SMAD6: variants seen among roughly 807,000 people sequenced by gnomAD.
SMAD6 encodes SMAD family member 6, also known as MAD homolog 6.
SMAD6 carries 103 observed loss-of-function variants against 39.4 expected under a neutral mutation model. The ratio of observed to expected loss-of-function variants is 2.62; its 90% CI spans 2.23 to 3.08. SMAD6 has a LOEUF of 3.08. SMAD6 is among the 30% of genes most tolerant of loss of function. The pLI is 0.00. For missense variants in SMAD6, 1,104 were observed against 742.9 expected (o/e 1.49, Z -5.65); for synonymous variants, 445 against 353.3 (o/e 1.26, Z -2.91).
At position 66,781,404 on chromosome 15, in the gene SMAD6, G is replaced by T. The variant is rs754474911; in HGVS notation, c.1360G>T (p.Ala454Ser). Residue 454 changes from alanine (A) to serine (S), a missense_variant, in exon 4 of 4, where the codon GCC (alanine) becomes TCC (serine). Coordinates refer to ENST00000288840, the MANE Select transcript of SMAD6 (RefSeq NM_005585.5). ...SGLQHAPEPD[A>S]ADGPYDPNSV... ...CCTGCAGCACGCGCCCGAGCCCGAC[G>T]CCGCCGACGGCCCCTACGACCCCAA... 6.2e-7 allele frequency: 1 copy of T among 1,603,112 alleles called. No homozygotes were observed. The highest frequency in any genetic ancestry group is 8.5e-7 in the Non-Finnish European group (1 of 1,177,910).
intron 3 of SMAD6, among the ~76,000 whole-genome samples, chr15:66,774,005 A>T (rs1327525905): frequency 6.6e-6 from 1 of 152,056 alleles, no homozygotes; most frequent in East Asian, 1.9e-4. Context: ...AAGGTGAAGG[A>T]GTAGGGACCG....
chr15:66,774,788 C>T (rs1009758966), intron 3 of SMAD6, among the ~76,000 whole-genome samples: 1 of 152,146 alleles, frequency 6.6e-6, no homozygotes, highest in African/African-American at 2.4e-5. Context: ...TCTCTTGTGC[C>T]TCTTCCCAGC....
At chr15:66,779,041 T>C (rs1894514657) in intron 3 of SMAD6, among the ~76,000 whole-genome samples, 1 of 152,156 alleles carries the variant, frequency 6.6e-6, no homozygotes, top group African/African-American at 2.4e-5. Flanking sequence ...GCTGCTTTTC[T>C]GGCCCTTGGG....
Position 66,781,245 on chromosome 15 carries a change from T to G in SMAD6, c.1201T>G (p.Trp401Gly). 6.2e-7 allele frequency: 1 copy of G among 1,608,672 alleles called. No individual in the cohort carries two copies. Among genetic ancestry groups the G allele is most frequent in the Non-Finnish European group, 8.5e-7 (1 of 1,179,560 alleles). Residue 401 changes from tryptophan to glycine, a missense_variant, in exon 4 of 4, where the codon TGG (tryptophan) becomes GGG (glycine). Coordinates refer to ENST00000288840, the MANE Select transcript of SMAD6 (RefSeq NM_005585.5). ...GCTCAGCAAGGAGCCCGACGGCGTG[T>G]GGGCCTACAACCGCGGCGAGCACCC... is the stretch of plus-strand genomic sequence containing the variant. ...ILLSKEPDGVWAYNRGEHPIF... is the reference protein window; with the variant it reads ...ILLSKEPDGVGAYNRGEHPIF...
At chr15:66,730,708 CTG>C (rs1256620192) in intron 3 of SMAD6, among the ~76,000 whole-genome samples, 3 of 152,246 alleles carry the variant, frequency 2.0e-5, no homozygotes, top group Admixed American at 6.5e-5. Context: ...ATGGCAGACA[CTG>C]TGCTGTTTCT....
intron 3 of SMAD6, among the ~76,000 whole-genome samples, chr15:66,728,802 A>G (rs762290537): frequency 6.6e-6 from 1 of 152,136 alleles, no homozygotes; most frequent in Non-Finnish European, 1.5e-5. Context: ...TAACATATCC[A>G]TTCTATTACT....
intron 3 of SMAD6, among the ~76,000 whole-genome samples, chr15:66,731,499 C>G (rs550476236): frequency 6.6e-6 from 1 of 152,004 alleles, no homozygotes; most frequent in African/African-American, 2.4e-5. Flanking sequence ...CAACCCTGAG[C>G]TGCTGGCATT....
At chr15:66,753,514 T>TC (rs1387399109) in intron 3 of SMAD6, among the ~76,000 whole-genome samples, 1 of 152,110 alleles carries the variant, frequency 6.6e-6, no homozygotes, top group Non-Finnish European at 1.5e-5. Context: ...TGGGCCTGAG[T>TC]CCATTCCATA....
chr15:66,745,791 G>A (rs55801424), intron 3 of SMAD6, among the ~76,000 whole-genome samples: 18,453 of 152,154 alleles, frequency 0.12, 1,378 homozygotes, highest in Admixed American at 0.24. Context: ...CACCCACAGA[G>A]TGAATGGGTG....
chr15:66,727,760 T>G (rs1893547979), intron 3 of SMAD6, among the ~76,000 whole-genome samples: 1 of 151,948 alleles, frequency 6.6e-6, no homozygotes, highest in South Asian at 2.1e-4. Context: ...AAGTGTAGAG[T>G]TTTTTTGTTT....
intron 3 of SMAD6, among the ~76,000 whole-genome samples, chr15:66,771,348 T>A (rs1894376258): frequency 6.6e-6 from 1 of 152,236 alleles, no homozygotes; most frequent in Admixed American, 6.5e-5. Flanking sequence ...TCAGGATTTG[T>A]TTGAATACTG....
At chr15:66,706,880 GCTT>G (rs940133145) in intron 1 of SMAD6, 1 of 152,310 alleles carries the variant, frequency 6.6e-6, no homozygotes, top group Non-Finnish European at 1.5e-5. Flanking sequence ...TCCTCTTTGG[GCTT>G]CTTTTCCTAT....
rs2278605 is a variant in SMAD6 at position 66,716,657 on chromosome 15, G to C, written c.952+159G>C. 2.6e-3 allele frequency among the ~76,000 whole-genome samples: 395 copies of C among 152,274 alleles called. 2 individuals are homozygous for C. The highest frequency in any genetic ancestry group is 6.4e-3 in the East Asian group (33 of 5,184). ...GAAGGTTGCCAATGTTTCAGTCCCT[G>C]GTGTTTTTGGGGTTAAGAACAGTCT... On this transcript the variant is annotated intron_variant, in intron 3 of 3. Coordinates refer to ENST00000288840, the MANE Select transcript of SMAD6 (RefSeq NM_005585.5).
chr15:66,720,236 CTT>C (rs35007669), intron 3 of SMAD6, among the ~76,000 whole-genome samples: 22 of 145,066 alleles, frequency 1.5e-4, no homozygotes, highest in African/African-American at 2.8e-4. Flanking sequence ...GGTAGGCAAA[CTT>C]TTTTTTTTTT....
chr15:66,729,255 G>T (rs8024229), intron 3 of SMAD6, among the ~76,000 whole-genome samples: 4 of 152,002 alleles, frequency 2.6e-5, no homozygotes, highest in South Asian at 2.1e-4. Flanking sequence ...TGCATCCCCC[G>T]GCACCCCTGA....
intron 3 of SMAD6, among the ~76,000 whole-genome samples, chr15:66,771,016 C>T (rs1357060031): frequency 2.6e-5 from 4 of 152,196 alleles, no homozygotes; most frequent in Admixed American, 6.5e-5. Context: ...GGAGCTTGTA[C>T]CACAGAGCCC....
rs1595756752 is a variant in SMAD6 at position 66,703,537 on chromosome 15, G to A, written c.279G>A (p.Met93Ile). Residue 93 changes from methionine to isoleucine, a missense_variant, in exon 1 of 4, where the codon ATG (methionine) becomes ATA (isoleucine). Met to Ile is a conservative substitution (Grantham distance 10). Coordinates refer to ENST00000288840, the MANE Select transcript of SMAD6 (RefSeq NM_005585.5). ...RRRAGGPPRP[M>I]SEPGAGAGSS... ...GCGCAGGGGGCCCCCCGAGGCCCATGTCGGAGCCAGGGGCCGGCGCTGGGA... is the reference window on the plus strand; with the variant it reads ...GCGCAGGGGGCCCCCCGAGGCCCATATCGGAGCCAGGGGCCGGCGCTGGGA... 5 of 1,221,620 alleles carry A rather than the reference G, an allele frequency of 4.1e-6. No individual in the cohort carries two copies. The highest frequency in any genetic ancestry group is 5.1e-6 in the Non-Finnish European group (5 of 979,100). The allele number at this position is 1,221,620 out of a possible 1,614,324, so 75.7% of individuals were successfully genotyped here.
At chr15:66,771,208 G>T (rs1894374219) in intron 3 of SMAD6, among the ~76,000 whole-genome samples, 1 of 152,212 alleles carries the variant, frequency 6.6e-6, no homozygotes. Context: ...TTGCCCGTTG[G>T]AGTGGTAAGG....
At chr15:66,707,607 C>T (rs772523588) in intron 1 of SMAD6, 2 of 152,296 alleles carry the variant, frequency 1.3e-5, no homozygotes, top group African/African-American at 2.4e-5. Context: ...TGCAGTTTGC[C>T]TCTTGCTGGC....
Sources: allele counts gnomAD v4.1 joint callset (sites outside exome capture counted in the v4.1 genomes callset), GRCh38; gene constraint gnomAD v4.1.1; transcripts MANE v1.5; gene names NCBI Gene and HGNC (gene_info 2026-07-23, HGNC 2026-07-21).